Variants in PARD3 observed in about 807,000 individuals in gnomAD.
PARD3 encodes partitioning defective 3 homolog.
In PARD3, 75 loss-of-function variants were observed where a neutral mutation model predicts 155.4. That is an observed-to-expected ratio of 0.48 (90% CI 0.40 to 0.58). The LOEUF (loss-of-function observed/expected upper bound fraction) is 0.58, where lower values mean the gene tolerates loss of function less well. Ranked by LOEUF, PARD3 falls within the 20% of genes least tolerant of loss-of-function variation. PARD3 has a pLI of 0.00. For synonymous variants in PARD3, 576 were observed against 610.5 expected, an observed-to-expected ratio of 0.94 and a Z score of 0.83; for missense variants, 1,642 against 1,721.7, an observed-to-expected ratio of 0.95 and a Z score of 0.82.
chr10:34,285,750 C>T (rs865922304), intron 20 of PARD3, among the ~76,000 whole-genome samples: 4 of 152,156 alleles, frequency 2.6e-5, no homozygotes, highest in Middle Eastern at 3.4e-3. Context: ...GGGCATATCT[C>T]ATCTGTTGAT....
At chr10:34,329,645 G>A (rs751647495) in intron 19 of PARD3, among the ~76,000 whole-genome samples, 12 of 152,070 alleles carry the variant, frequency 7.9e-5, no homozygotes, top group Non-Finnish European at 1.3e-4. Flanking sequence ...CTGCAACTGG[G>A]TCTGGAGAGG....
Position 34,219,719 on chromosome 10 carries a change from C to T in PARD3, c.3419+49938G>A, listed in dbSNP as rs1204920053. 2.0e-5 allele frequency among the ~76,000 whole-genome samples: 3 copies of T among 152,300 alleles called. No individual in the cohort carries two copies. The East Asian group carries it at 5.8e-4, about 29-fold the overall frequency. ...AAATATCACCTGTAAATCTCTTAGT[C>T]ATTTTGTCCCCATCAAAAATCACTT... On this transcript the variant is annotated intron_variant, in intron 22 of 24. Coordinates refer to ENST00000374788, the MANE Select transcript of PARD3 (RefSeq NM_001184785.2).
At chr10:34,792,314 G>T (rs1156729655) in intron 1 of PARD3, among the ~76,000 whole-genome samples, 4 of 152,058 alleles carry the variant, frequency 2.6e-5, no homozygotes, top group African/African-American at 9.7e-5. Flanking sequence ...CACACTCCTG[G>T]CCTCAAGCGA....
chr10:34,608,136 C>T (rs1330553225), intron 2 of PARD3, among the ~76,000 whole-genome samples: 1 of 152,282 alleles, frequency 6.6e-6, no homozygotes, highest in Non-Finnish European at 1.5e-5. Context: ...CCTCTCAATG[C>T]TGCACGGTCC....
At chr10:34,124,815 A>G (rs1469854425) in intron 23 of PARD3, among the ~76,000 whole-genome samples, 1 of 152,220 alleles carries the variant, frequency 6.6e-6, no homozygotes, top group Non-Finnish European at 1.5e-5. Context: ...AGCAATAGGA[A>G]CACTGAAAAT....
chr10:34,789,445 C>T (rs1056673397), intron 1 of PARD3, among the ~76,000 whole-genome samples: 3 of 152,056 alleles, frequency 2.0e-5, no homozygotes, highest in East Asian at 1.9e-4. Flanking sequence ...CACCTGTAAT[C>T]GAAACACTTT....
chr10:34,502,304 G>A (rs1055116210), intron 3 of PARD3, among the ~76,000 whole-genome samples: 5 of 152,084 alleles, frequency 3.3e-5, no homozygotes, highest in African/African-American at 1.2e-4. Flanking sequence ...CATAGAAGAA[G>A]GGTCCACAAG....
At chr10:34,668,070 G>A (rs191617285) in intron 2 of PARD3, among the ~76,000 whole-genome samples, 41 of 152,210 alleles carry the variant, frequency 2.7e-4, no homozygotes, top group Admixed American at 2.3e-3. Context: ...AATGGTCAAG[G>A]TGGAAAAATA....
At chr10:34,169,892 CCTGCAGGATGTAT>C (rs2133108437) in intron 22 of PARD3, among the ~76,000 whole-genome samples, 1 of 152,248 alleles carries the variant, frequency 6.6e-6, no homozygotes, top group South Asian at 2.1e-4. Context: ...CCTCCCCTGC[CCTGCAGGATGTAT>C]CTGCAGGGTG....
intron 1 of PARD3, among the ~76,000 whole-genome samples, chr10:34,807,758 T>A (rs752321389): frequency 2.1e-4 from 32 of 152,146 alleles, no homozygotes; most frequent in East Asian, 1.5e-3. Flanking sequence ...CAAAATATAC[T>A]CTGTTTAGGT....
At chr10:34,783,467 G>A (rs1023882999) in intron 1 of PARD3, among the ~76,000 whole-genome samples, 43 of 151,852 alleles carry the variant, frequency 2.8e-4, no homozygotes, top group African/African-American at 9.7e-4. Context: ...AGCTGGGCGT[G>A]GTGGCGGGCG....
intron 1 of PARD3, among the ~76,000 whole-genome samples, chr10:34,703,470 A>G (rs879801255): frequency 2.6e-5 from 4 of 152,120 alleles, no homozygotes; most frequent in African/African-American, 7.2e-5. Context: ...GAAAAAAAAA[A>G]AAGACAAAGA....
intron 2 of PARD3, among the ~76,000 whole-genome samples, chr10:34,662,678 C>T (rs2093352509): frequency 6.6e-6 from 1 of 152,056 alleles, no homozygotes; most frequent in Non-Finnish European, 1.5e-5. Context: ...TTGAGACCAG[C>T]CTGGCCAACA....
intron 1 of PARD3, among the ~76,000 whole-genome samples, chr10:34,709,050 A>T (rs1181764557): frequency 2.0e-5 from 3 of 152,166 alleles, no homozygotes; most frequent in African/African-American, 7.2e-5. Flanking sequence ...ACATATACAT[A>T]TAAACATACA....
rs1398766256 is a variant in PARD3, at chr10:34,605,564, ATATATATATATCTCC to A, written c.223-88420_223-88406del. Reference sequence around the variant, plus strand: ...ATATATATATATATATATCTCCTATATATATATATATCTCCTATATATATCTCCTATATATATATA... The same window carrying A: ...ATATATATATATATATATCTCCTATATATATATATCTCCTATATATATATA... On this transcript the variant is annotated intron_variant, in intron 2 of 24. Coordinates refer to ENST00000374788, the MANE Select transcript of PARD3 (RefSeq NM_001184785.2). Among the ~76,000 whole-genome samples the A allele has an allele frequency of 2.9e-4, 16 of 55,760 alleles. 2 individuals are homozygous for A. The highest frequency in any genetic ancestry group is 9.8e-4 in the African/African-American group (6 of 6,152). 36.6% of individuals were successfully genotyped at this position (55,760 alleles called of 152,430 possible).
chr10:34,367,776 A>G (rs1840119624), intron 12 of PARD3, among the ~76,000 whole-genome samples: 1 of 152,132 alleles, frequency 6.6e-6, no homozygotes, highest in Admixed American at 6.5e-5. Context: ...AATAAACCTA[A>G]TAAGGCCCAT....
At chr10:34,364,546 T>G (rs1258714040) in intron 12 of PARD3, among the ~76,000 whole-genome samples, 1 of 152,040 alleles carries the variant, frequency 6.6e-6, no homozygotes, top group Non-Finnish European at 1.5e-5. Flanking sequence ...TATCCCGCCC[T>G]CAGCCTCCCA....
chr10:34,477,975 G>A (rs1262353868), intron 3 of PARD3, among the ~76,000 whole-genome samples: 2 of 152,182 alleles, frequency 1.3e-5, no homozygotes, highest in Admixed American at 6.5e-5. Context: ...CTGTCATCAC[G>A]ATTGCAAAAC....
rs540878296 is a variant in PARD3 at position 34,804,279 on chromosome 10, C to T, written c.120+10597G>A. On this transcript the variant is annotated intron_variant, in intron 1 of 24. Transcript: ENST00000374788. ...CTTGAACTCCTGGCCTCAAGTGATC[C>T]GCCCACCTTGGCCTCCCAAAGTGCT... Among the ~76,000 whole-genome samples the T allele has an allele frequency of 3.9e-5, 6 of 152,274 alleles. No individual in the cohort carries two copies. The East Asian group carries it at 7.7e-4, about 20-fold the overall frequency.
Sources: gnomAD v4.1 joint callset for allele counts (sites outside exome capture counted in the v4.1 genomes callset) on GRCh38, gnomAD v4.1.1 for gene constraint, MANE v1.5 for transcripts, NCBI Gene and HGNC (gene_info 2026-07-23, HGNC 2026-07-21) for gene names.